Variants in CEP112 observed in about 807,000 individuals in gnomAD.
The protein encoded by CEP112 is centrosomal protein 112.
Under a neutral mutation model 153.0 loss-of-function variants are expected in CEP112, and 127 were observed. The observed-to-expected ratio is 0.83, with a 90% confidence interval of 0.72 to 0.96. The LOEUF (loss-of-function observed/expected upper bound fraction) is 0.96, where lower values mean the gene tolerates loss of function less well. Ranked by LOEUF, CEP112 falls within the 40% of genes least tolerant of loss-of-function variation. CEP112 has a pLI of 0.00. For synonymous variants in CEP112, 358 were observed against 374.4 expected (o/e 0.96, Z 0.51); for missense variants, 1,089 against 1,101.2 (o/e 0.99, Z 0.16).
intron 17 of CEP112, among the ~76,000 whole-genome samples, chr17:65,978,410 T>C (rs900427977): frequency 1.3e-5 from 2 of 152,238 alleles, no homozygotes; most frequent in African/African-American, 4.8e-5. Flanking sequence ...TAGGACTCGG[T>C]GTGCCCCGGA....
Position 66,161,936 on chromosome 17 carries a change from A to C in CEP112, c.470+13108T>G, listed in dbSNP as rs969459643. Among the ~76,000 whole-genome samples the C allele has an allele frequency of 1.4e-4, 21 of 152,160 alleles. 1 individual carries two copies. Among genetic ancestry groups the C allele is most frequent in the Non-Finnish European group, 2.6e-4 (18 of 68,018 alleles). ...AAAGTATAATTTTCTTAAAAATCAG[A>C]TGCAGAACTGTGAGTCAATAAATTC... is the stretch of plus-strand genomic sequence containing the variant. On this transcript the variant is annotated intron_variant, in intron 4 of 26. Coordinates refer to ENST00000535342, the MANE Select transcript of CEP112 (RefSeq NM_001199165.4).
At chr17:65,869,151 T>C (rs1019840980) in intron 20 of CEP112, among the ~76,000 whole-genome samples, 1 of 152,226 alleles carries the variant, frequency 6.6e-6, no homozygotes, top group South Asian at 2.1e-4. Context: ...TTCACTAATA[T>C]TGTCTGTGCT....
intron 18 of CEP112, among the ~76,000 whole-genome samples, chr17:65,946,019 C>A (rs931974032): frequency 2.0e-5 from 3 of 152,116 alleles, no homozygotes; most frequent in African/African-American, 7.2e-5. Flanking sequence ...AAGTATTTTA[C>A]CCATTTGTCC....
intron 21 of CEP112, among the ~76,000 whole-genome samples, chr17:65,808,493 C>T (rs1383321161): frequency 2.0e-5 from 3 of 152,022 alleles, no homozygotes; most frequent in Non-Finnish European, 4.4e-5. Flanking sequence ...GCTCTGTGTC[C>T]CCAACCAAAT....
At chr17:66,104,109 C>G (rs184147790) in intron 6 of CEP112, among the ~76,000 whole-genome samples, 4 of 152,152 alleles carry the variant, frequency 2.6e-5, no homozygotes, top group Admixed American at 6.5e-5. Flanking sequence ...GAGCTCAAAG[C>G]CAGTGGGCTT....
At chr17:66,000,978 A>G (rs1164574643) in intron 17 of CEP112, among the ~76,000 whole-genome samples, 1 of 152,188 alleles carries the variant, frequency 6.6e-6, no homozygotes, top group Non-Finnish European at 1.5e-5. Context: ...ACTTCTCTAC[A>G]ATGGCAGCTT....
chr17:66,087,323 T>G (rs573904880), intron 8 of CEP112, among the ~76,000 whole-genome samples: 9 of 152,296 alleles, frequency 5.9e-5, no homozygotes, highest in Non-Finnish European at 1.0e-4. Flanking sequence ...ATGATTTCCT[T>G]TCAATTCATT....
chr17:65,767,095 T>C (rs2053030209), intron 21 of CEP112, among the ~76,000 whole-genome samples: 1 of 152,064 alleles, frequency 6.6e-6, no homozygotes, highest in South Asian at 2.1e-4. Flanking sequence ...ACATTCTCCT[T>C]TAGTGCACAT....
chr17:66,018,821 A>G, intron 16 of CEP112, among the ~76,000 whole-genome samples: 1 of 152,218 alleles, frequency 6.6e-6, no homozygotes, highest in East Asian at 1.9e-4. Flanking sequence ...TCAATTCAGT[A>G]CATTTTAGAA....
At chr17:65,820,214 T>A (rs1335989861) in intron 21 of CEP112, among the ~76,000 whole-genome samples, 2 of 152,096 alleles carry the variant, frequency 1.3e-5, no homozygotes, top group Non-Finnish European at 2.9e-5. Flanking sequence ...CCTCGTGTTA[T>A]CCCCTTTGAC....
At chr17:65,801,560 G>A (rs1482754334) in intron 21 of CEP112, among the ~76,000 whole-genome samples, 2 of 151,768 alleles carry the variant, frequency 1.3e-5, no homozygotes, top group African/African-American at 4.8e-5. Flanking sequence ...TTACATTTAG[G>A]TCTCACAAGT....
chr17:65,758,580 T>G (rs1170724932), intron 21 of CEP112, among the ~76,000 whole-genome samples: 1 of 152,116 alleles, frequency 6.6e-6, no homozygotes, highest in Non-Finnish European at 1.5e-5. Context: ...GGAAAGTGAT[T>G]TGGAGAGAAG....
chr17:66,191,214 T>A lies in CEP112; in HGVS notation c.-9+783A>T, dbSNP rs558771698. On this transcript the variant is annotated intron_variant, in intron 1 of 26. Transcript: ENST00000535342. This position sits in a 1 kb window ranked among gnomAD's most constrained non-coding sequence, Gnocchi z 4.2. ...ACTGACCTAGGTTCTTAGTGGACAG[T>A]GACAGCTGGGCCTGAACACTGCACA... Among the ~76,000 whole-genome samples the A allele has an allele frequency of 2.0e-5, 3 of 152,286 alleles. No individual in the cohort carries two copies. In the South Asian group the frequency reaches 6.2e-4, roughly 32 times the overall value.
intron 12 of CEP112, among the ~76,000 whole-genome samples, chr17:66,043,329 T>C (rs2066063945): frequency 6.6e-6 from 1 of 152,196 alleles, no homozygotes. Flanking sequence ...TTACCCTCAT[T>C]AGAAATTACT....
At chr17:65,949,772 G>A (rs942810393) in intron 18 of CEP112, among the ~76,000 whole-genome samples, 1 of 152,088 alleles carries the variant, frequency 6.6e-6, no homozygotes, top group African/African-American at 2.4e-5. Flanking sequence ...TCCACAAATA[G>A]GATCTTTCAT....
chr17:66,189,391 C>A (rs1384750660), intron 1 of CEP112, among the ~76,000 whole-genome samples: 1 of 151,628 alleles, frequency 6.6e-6, no homozygotes, highest in African/African-American at 2.4e-5. Flanking sequence ...GTATTCCCAG[C>A]TACTAGGGAG....
intron 2 of CEP112, among the ~76,000 whole-genome samples, chr17:66,177,752 T>C (rs146957371): frequency 0.034 from 5,180 of 151,530 alleles, 131 homozygotes; most frequent in Middle Eastern, 0.061. Flanking sequence ...ACCATCCTTC[T>C]ATCTCCATGA....
In CEP112 at chr17:65,686,370, G is replaced by A. The variant is rs369935963; in HGVS notation, c.2697+2759C>T. On this transcript the variant is annotated intron_variant, in intron 24 of 26. Coordinates refer to ENST00000535342, the MANE Select transcript of CEP112 (RefSeq NM_001199165.4). ...TAAAAAAAGACTGAAAGTAGTTCCT[G>A]AATCCTTCTCTATTGTTCATTTGGG... is the stretch of plus-strand genomic sequence containing the variant. Among the ~76,000 whole-genome samples, 12 of 152,210 alleles carry A rather than the reference G, an allele frequency of 7.9e-5. No homozygotes were observed. The South Asian group carries it at 8.3e-4, about 11-fold the overall frequency.
chr17:65,888,455 A>G (rs1193224357), intron 20 of CEP112, among the ~76,000 whole-genome samples: 1 of 152,192 alleles, frequency 6.6e-6, no homozygotes, highest in Non-Finnish European at 1.5e-5. Flanking sequence ...ATGAAGGAAC[A>G]AAGAGATCAA....
Sources: allele counts gnomAD v4.1 joint callset (sites outside exome capture counted in the v4.1 genomes callset), GRCh38; gene constraint gnomAD v4.1.1; non-coding constraint Gnocchi (gnomAD v3.1); transcripts MANE v1.5; gene names NCBI Gene and HGNC (gene_info 2026-07-23, HGNC 2026-07-21).